Variants in PKP4 observed in about 807,000 individuals in gnomAD.
PKP4 encodes the protein plakophilin-4.
PKP4 carries 90 observed loss-of-function variants against 145.1 expected under a neutral mutation model. The ratio of observed to expected loss-of-function variants is 0.62; its 90% CI spans 0.52 to 0.74. The LOEUF (loss-of-function observed/expected upper bound fraction) is 0.74. Ranked by LOEUF, PKP4 falls within the 30% of genes least tolerant of loss-of-function variation. PKP4 has a pLI of 0.00. For missense variants in PKP4, 1,340 were observed against 1,482.7 expected, an observed-to-expected ratio of 0.90 and a Z score of 1.58; for synonymous variants, 563 against 577.2, an observed-to-expected ratio of 0.98 and a Z score of 0.35.
At chr2:158,625,489 T>G in intron 7 of PKP4, 62 bp downstream of exon 7, 1 of 1,353,416 alleles carries the variant, frequency 7.4e-7, no homozygotes, top group Middle Eastern at 2.2e-4. Context: ...GTAACTTAAG[T>G]TGAAACAAAG....
chr2:158,473,076 A>G (rs1290862480), intron 1 of PKP4, among the ~76,000 whole-genome samples: 2 of 152,256 alleles, frequency 1.3e-5, no homozygotes, highest in African/African-American at 4.8e-5. Flanking sequence ...ATCACTGATC[A>G]TTAGACAAAT....
At chr2:158,666,689 CT>C in intron 16 of PKP4, 126 bp downstream of exon 16, 1 of 772,888 alleles carries the variant, frequency 1.3e-6, no homozygotes, top group Non-Finnish European at 1.9e-6. Flanking sequence ...TCTCCAGTTT[CT>C]TGGCATATTT....
chr2:158,554,888 G>A lies in PKP4; in HGVS notation c.132+21572G>A, dbSNP rs141247551. 4.6e-3 allele frequency among the ~76,000 whole-genome samples: 708 copies of A among 152,280 alleles called. 3 individuals are homozygous for A. Among genetic ancestry groups the A allele is most frequent in the Non-Finnish European group, 8.4e-3 (571 of 68,024 alleles). The stretch of plus-strand genomic sequence containing the variant: ...GCCACACCTAGAAGAAAGGTACAAA[G>A]ATGTTAGGTAGCAAGAACAGCAGGG... On this transcript the variant is annotated intron_variant, in intron 2 of 21. Transcript: ENST00000389759.
At position 158,663,315 on chromosome 2, in the gene PKP4, A is replaced by T. The variant is rs376409775; in HGVS notation, c.2447A>T (p.Lys816Ile). The T allele has an allele frequency of 1.6e-5, 26 of 1,613,976 alleles. No homozygotes were observed. In the Admixed American group the frequency reaches 3.7e-4, roughly 23 times the overall value. Residue 816 changes from lysine to isoleucine, a missense_variant, in exon 15 of 22, where the codon AAA becomes ATA. Physicochemically the swap from Lys to Ile is moderately radical, Grantham distance 102. Transcript: ENST00000389759. The part of the protein sequence containing the change: ...GPIPGLSKSP[K>I]GVEMLWHPSV... ...ATCCCAGGACTGTCGAAGTCCCCCA[A>T]AGGGGTTGAGATGCTGTGGCACCCA...
chr2:158,581,729 C>A (rs2048351916), intron 3 of PKP4, among the ~76,000 whole-genome samples: 1 of 152,138 alleles, frequency 6.6e-6, no homozygotes. Flanking sequence ...GAAACTAGTC[C>A]TCTGCATATA....
At position 158,661,409 on chromosome 2, in the gene PKP4, G is replaced by A. The variant is rs1260634498; in HGVS notation, c.2170G>A (p.Val724Met). 2.5e-6 allele frequency: 4 copies of A among 1,613,642 alleles called. No individual in the cohort carries two copies. Among genetic ancestry groups the A allele is most frequent in the Non-Finnish European group, 3.4e-6 (4 of 1,179,700 alleles). ...GGGGCTGGTAGACTCACTGTTGTAT[G>A]TGATCCACACGTGTGTGAACACATC... is the stretch of plus-strand genomic sequence containing the variant. ...CEGLVDSLLY[V>M]IHTCVNTSDY... The change falls in exon 13 of 22, where the codon GTG becomes ATG. Residue 724 changes from valine (V) to methionine (M), a missense_variant. Physicochemically the swap from Val to Met is conservative, Grantham distance 21. Transcript: ENST00000389759.
At chr2:158,657,817 C>T (rs1220056699) in intron 11 of PKP4, among the ~76,000 whole-genome samples, 1 of 152,148 alleles carries the variant, frequency 6.6e-6, no homozygotes, top group African/African-American at 2.4e-5. Context: ...TTGGATTGTG[C>T]CCCTCTCCCT....
At chr2:158,581,133 A>G (rs191672973) in intron 3 of PKP4, among the ~76,000 whole-genome samples, 6 of 152,328 alleles carry the variant, frequency 3.9e-5, no homozygotes, top group Non-Finnish European at 7.3e-5. Flanking sequence ...GTGTGTTTCA[A>G]TTGTCAGTCT....
intron 8 of PKP4, among the ~76,000 whole-genome samples, chr2:158,632,237 G>A (rs891288422): frequency 1.3e-4 from 20 of 152,190 alleles, no homozygotes; most frequent in Admixed American, 7.2e-4. Flanking sequence ...TGCATATTCA[G>A]TATCAAAAGG....
intron 4 of PKP4, 34 bp from the exon 5 acceptor site, chr2:158,620,956 T>C (rs1203034704): frequency 2.5e-6 from 4 of 1,593,622 alleles, no homozygotes; most frequent in South Asian, 2.2e-5. Context: ...TGTAATGTTA[T>C]TATATTTAGC....
intron 11 of PKP4, among the ~76,000 whole-genome samples, chr2:158,645,718 A>G (rs951606670): frequency 6.6e-6 from 1 of 152,180 alleles, no homozygotes; most frequent in Non-Finnish European, 1.5e-5. Context: ...CTGTCCTCTC[A>G]TAGGAGGAAT....
chr2:158,469,334 C>A (rs1456592730), intron 1 of PKP4, among the ~76,000 whole-genome samples: 1 of 152,106 alleles, frequency 6.6e-6, no homozygotes, highest in Non-Finnish European at 1.5e-5. Flanking sequence ...AGGTGATCTG[C>A]CTGCTTTGGC....
chr2:158,637,903 A>G (rs911143287), intron 9 of PKP4, among the ~76,000 whole-genome samples: 8 of 152,214 alleles, frequency 5.3e-5, no homozygotes, highest in Non-Finnish European at 1.0e-4. Context: ...TTTCTACTGA[A>G]TTTTCATCGA....
At chr2:158,597,732 T>C (rs2049879956) in intron 3 of PKP4, among the ~76,000 whole-genome samples, 2 of 152,236 alleles carry the variant, frequency 1.3e-5, no homozygotes, top group African/African-American at 2.4e-5. Flanking sequence ...TTGGCTATGG[T>C]TTATTTTTTC....
intron 1 of PKP4, among the ~76,000 whole-genome samples, chr2:158,478,231 G>A (rs1347104944): frequency 6.6e-6 from 1 of 151,794 alleles, no homozygotes; most frequent in Non-Finnish European, 1.5e-5. Flanking sequence ...TTTGATTAGG[G>A]AAGCATTCAG....
chr2:158,476,219 T>C (rs1293318972), intron 1 of PKP4, among the ~76,000 whole-genome samples: 1 of 152,242 alleles, frequency 6.6e-6, no homozygotes, highest in Non-Finnish European at 1.5e-5. Context: ...GATTTTACTT[T>C]TATATTCATG....
At chr2:158,465,967 C>G (rs993395436) in intron 1 of PKP4, among the ~76,000 whole-genome samples, 1 of 152,164 alleles carries the variant, frequency 6.6e-6, no homozygotes, top group South Asian at 2.1e-4. Context: ...AGTATATCGG[C>G]AAGTGTCAGT....
intron 9 of PKP4, among the ~76,000 whole-genome samples, chr2:158,638,849 G>T (rs759572809): frequency 2.0e-5 from 3 of 152,176 alleles, no homozygotes; most frequent in African/African-American, 2.4e-5. Context: ...CAGATGTATA[G>T]ATTCCTGTGC....
chr2:158,591,744 C>A (rs1258136428), intron 3 of PKP4, among the ~76,000 whole-genome samples: 1 of 151,916 alleles, frequency 6.6e-6, no homozygotes, highest in African/African-American at 2.4e-5. Flanking sequence ...TTAGCTCTAA[C>A]TTTTACCATT....
Sources: allele counts gnomAD v4.1 joint callset (sites outside exome capture counted in the v4.1 genomes callset), GRCh38; gene constraint gnomAD v4.1.1; transcripts MANE v1.5; gene names NCBI Gene and HGNC (gene_info 2026-07-23, HGNC 2026-07-21).